The following NFIB variants were observed in gnomAD, a reference collection of about 807,000 sequenced individuals.
NFIB encodes nuclear factor 1 B-type.
A neutral mutation model predicts 61.5 loss-of-function variants in NFIB; 11 were observed. The ratio of observed to expected loss-of-function variants is 0.18; its 90% CI spans 0.11 to 0.30. The LOEUF (loss-of-function observed/expected upper bound fraction) is 0.30. NFIB is among the 10% of genes least tolerant of loss of function. NFIB has a pLI of 1.00. For missense variants in NFIB, 471 were observed against 608.9 expected (o/e 0.77, Z 2.38); for synonymous variants, 260 against 216.5 (o/e 1.20, Z -1.76).
the NFIB span, among the ~76,000 whole-genome samples, chr9:14,514,222 T>G: frequency 6.6e-6 from 1 of 152,158 alleles, no homozygotes; most frequent in Non-Finnish European, 1.5e-5. Flanking sequence ...CTGATATATG[T>G]TGATCTGTTC....
the NFIB span, among the ~76,000 whole-genome samples, chr9:14,475,118 A>C: frequency 1.3e-5 from 2 of 152,242 alleles, no homozygotes; most frequent in African/African-American, 4.8e-5. Context: ...TGACACCTGA[A>C]ATTAACCACA....
chr9:14,458,265 C>G, the NFIB span, among the ~76,000 whole-genome samples: 1 of 152,156 alleles, frequency 6.6e-6, no homozygotes, highest in Non-Finnish European at 1.5e-5. Flanking sequence ...GTGACAAAAA[C>G]CACATGATTA....
At chr9:14,353,532 G>A (rs1648142922) in intron 1 of NFIB, among the ~76,000 whole-genome samples, 1 of 152,178 alleles carries the variant, frequency 6.6e-6, no homozygotes, top group African/African-American at 2.4e-5. Flanking sequence ...GGCGAATGAA[G>A]GGGGCTGGGG....
At chr9:14,274,296 A>T (rs565813335) in intron 2 of NFIB, among the ~76,000 whole-genome samples, 1 of 151,184 alleles carries the variant, frequency 6.6e-6, no homozygotes, top group East Asian at 1.9e-4. Flanking sequence ...ACACACGAAG[A>T]CATCCATTAA....
chr9:14,127,198 A>G (rs1424605009), intron 6 of NFIB, among the ~76,000 whole-genome samples: 3 of 152,216 alleles, frequency 2.0e-5, no homozygotes, highest in East Asian at 3.9e-4. Flanking sequence ...GTTGACTAAG[A>G]GACTATACCA....
intron 4 of NFIB, among the ~76,000 whole-genome samples, chr9:14,153,462 T>C (rs1410856154): frequency 6.6e-6 from 1 of 152,082 alleles, no homozygotes; most frequent in Non-Finnish European, 1.5e-5. Context: ...AAGCTGCAAA[T>C]CATGTTTAAG....
intron 2 of NFIB, among the ~76,000 whole-genome samples, chr9:14,276,222 C>T (rs989225698): frequency 4.6e-5 from 7 of 152,150 alleles, no homozygotes; most frequent in Admixed American, 3.3e-4. Flanking sequence ...GGAAAAGATA[C>T]TGTTCTTAAT....
chr9:14,409,551 T>C, the NFIB span, among the ~76,000 whole-genome samples: 1 of 152,146 alleles, frequency 6.6e-6, no homozygotes, highest in African/African-American at 2.4e-5. Flanking sequence ...ACTTCTAGGG[T>C]TAGAGAAGAC....
rs534267112 is a variant in NFIB, at chr9:14,087,469, A to G, written c.*840T>C. 1.8e-5 allele frequency: 4 copies of G among 222,176 alleles called. No homozygotes were observed. Among genetic ancestry groups the G allele is most frequent in the African/African-American group, 8.9e-5 (4 of 44,766 alleles). 13.8% of individuals were successfully genotyped at this position (222,176 alleles called of 1,614,324 possible). ...TAAGTGTTTCTTTTGTGGGGAAAAT[A>G]TTATATTAATTTTTACTGTTGCATG... On this transcript the variant is annotated 3_prime_UTR_variant, in exon 11 of 11. Coordinates refer to ENST00000380953, the MANE Select transcript of NFIB (RefSeq NM_001190737.2).
the NFIB span, among the ~76,000 whole-genome samples, chr9:14,480,783 C>T: frequency 6.6e-6 from 1 of 152,160 alleles, no homozygotes; most frequent in Non-Finnish European, 1.5e-5. Flanking sequence ...TGGCTGCCTC[C>T]TGCTGAGATG....
chr9:14,506,400 C>A, the NFIB span, among the ~76,000 whole-genome samples: 1 of 152,112 alleles, frequency 6.6e-6, no homozygotes, highest in Admixed American at 6.5e-5. Flanking sequence ...AGAGAGGAAC[C>A]CCTTGTCTCT....
the NFIB span, among the ~76,000 whole-genome samples, chr9:14,455,167 G>A: frequency 6.6e-6 from 1 of 152,166 alleles, no homozygotes; most frequent in Non-Finnish European, 1.5e-5. Flanking sequence ...ATAGAGATAT[G>A]TAATGGAGAC....
intron 2 of NFIB, among the ~76,000 whole-genome samples, chr9:14,256,022 C>G (rs537268835): frequency 6.6e-6 from 1 of 152,350 alleles, no homozygotes; most frequent in East Asian, 1.9e-4. Flanking sequence ...TCCCTTAATT[C>G]TCCCTCATGT....
chr9:14,450,039 A>G, the NFIB span, among the ~76,000 whole-genome samples: 3 of 152,288 alleles, frequency 2.0e-5, no homozygotes, highest in African/African-American at 7.2e-5. Context: ...TTACCTAGGT[A>G]TACATGTGCC....
chr9:14,143,692 G>A (rs1270923273), intron 6 of NFIB, among the ~76,000 whole-genome samples: 1 of 152,096 alleles, frequency 6.6e-6, no homozygotes, highest in African/African-American at 2.4e-5. Context: ...TACAAGACAT[G>A]TCAAAGCTAT....
intron 1 of NFIB, among the ~76,000 whole-genome samples, chr9:14,367,867 C>T (rs1029298728): frequency 6.6e-5 from 10 of 152,000 alleles, no homozygotes; most frequent in East Asian, 1.9e-4. Context: ...CATCACACAC[C>T]GGGGCCTGTC....
chr9:14,395,133 T>A lies in NFIB; in HGVS notation c.108+3391A>T, dbSNP rs116365719. ...TTCCTCAGAACCCTGGGTGCCAAGA[T>A]GTCAGTGTATGCTGTGACAGAGCAC... On this transcript the variant is annotated intron_variant, in intron 1 of 8. Transcript: ENST00000380934. Among the ~76,000 whole-genome samples, 1,078 of 152,136 alleles carry A rather than the reference T, an allele frequency of 7.1e-3. 11 individuals carry two copies. Among genetic ancestry groups the A allele is most frequent in the African/African-American group, 0.025 (1,018 of 41,498 alleles).
intron 2 of NFIB, among the ~76,000 whole-genome samples, chr9:14,247,683 T>A (rs181289996): frequency 6.6e-6 from 1 of 152,354 alleles, no homozygotes; most frequent in East Asian, 1.9e-4. Flanking sequence ...TTTTAATACT[T>A]ACCTTGTAGG....
the NFIB span, among the ~76,000 whole-genome samples, chr9:14,520,466 G>A: frequency 6.6e-6 from 1 of 152,206 alleles, no homozygotes; most frequent in African/African-American, 2.4e-5. Flanking sequence ...TGTACTTAGA[G>A]CAGCTCAGAG....
Sources: allele counts gnomAD v4.1 joint callset (sites outside exome capture counted in the v4.1 genomes callset), GRCh38; gene constraint gnomAD v4.1.1; transcripts MANE v1.5; gene names NCBI Gene and HGNC (gene_info 2026-07-23, HGNC 2026-07-21).